The following CPNE8 variants were observed in gnomAD, a reference collection of about 807,000 sequenced individuals.
CPNE8 encodes the protein copine-8.
Under a neutral mutation model 81.5 loss-of-function variants are expected in CPNE8, and 45 were observed. The ratio of observed to expected loss-of-function variants is 0.55; its 90% CI spans 0.44 to 0.71. The LOEUF is 0.71. Ranked by LOEUF, CPNE8 falls within the 30% of genes least tolerant of loss-of-function variation. The pLI is 0.00. For synonymous variants in CPNE8, 252 were observed against 226.3 expected (o/e 1.11, Z -1.02); for missense variants, 594 against 672.1 (o/e 0.88, Z 1.28).
chr12:38,744,682 A>C lies in CPNE8; in HGVS notation c.723-14324T>G, dbSNP rs531248495. On this transcript the variant is annotated intron_variant, in intron 10 of 19. Coordinates refer to ENST00000331366, the MANE Select transcript of CPNE8 (RefSeq NM_153634.3). ...CACATTCTGAAGCTGTCATCTAGGC[A>C]AACTTCGGCAAGAAGCTGAACTTCT... is the stretch of plus-strand genomic sequence containing the variant. Among the ~76,000 whole-genome samples, 180 of 152,276 alleles carry C rather than the reference A, an allele frequency of 1.2e-3. 1 individual carries two copies. The highest frequency in any genetic ancestry group is 4.2e-3 in the African/African-American group (174 of 41,540).
chr12:38,753,516 T>C (rs1449254846), intron 10 of CPNE8, among the ~76,000 whole-genome samples: 2 of 152,194 alleles, frequency 1.3e-5, no homozygotes, highest in African/African-American at 4.8e-5. Flanking sequence ...AAGTCCTCTC[T>C]TCTGTATTAC....
At chr12:38,857,297 T>C (rs1428205648) in intron 3 of CPNE8, among the ~76,000 whole-genome samples, 2 of 152,208 alleles carry the variant, frequency 1.3e-5, no homozygotes, top group East Asian at 1.9e-4. Flanking sequence ...TTTTGTAATA[T>C]AATTGGCAGT....
intron 3 of CPNE8, 115 bp downstream of exon 3, chr12:38,872,889 C>T (rs1343229352): frequency 1.5e-6 from 1 of 663,414 alleles, no homozygotes; most frequent in Non-Finnish European, 2.6e-6. Context: ...AAAAACAATT[C>T]AATCTTTGGG....
intron 10 of CPNE8, among the ~76,000 whole-genome samples, chr12:38,745,602 G>A (rs1173889812): frequency 6.6e-6 from 1 of 152,148 alleles, no homozygotes; most frequent in Non-Finnish European, 1.5e-5. Context: ...GAGTGCAGTG[G>A]TGTGATCACA....
At chr12:38,826,678 A>G (rs1943199321) in intron 6 of CPNE8, among the ~76,000 whole-genome samples, 1 of 152,146 alleles carries the variant, frequency 6.6e-6, no homozygotes, top group African/African-American at 2.4e-5. Flanking sequence ...GCTATGTTCT[A>G]TTCACCACAT....
At chr12:38,688,575 C>CA (rs1330143471) in intron 15 of CPNE8, among the ~76,000 whole-genome samples, 2 of 148,908 alleles carry the variant, frequency 1.3e-5, no homozygotes, top group Non-Finnish European at 3.0e-5. Flanking sequence ...GCCCATCAAC[C>CA]AATAAGTGGA....
rs1043951537 is a variant in CPNE8, at chr12:38,823,664, C to T, written c.407+5715G>A. Among the ~76,000 whole-genome samples the T allele has an allele frequency of 7.9e-5, 12 of 152,152 alleles. 1 individual carries two copies. Among genetic ancestry groups the T allele is most frequent in the Non-Finnish European group, 1.6e-4 (11 of 68,018 alleles). Reference sequence around the variant, plus strand: ...TCCCTGATCCTTTTATATGGAACCACTCATGCCTGGCTGAGAGTAACAGGA... The same window carrying T: ...TCCCTGATCCTTTTATATGGAACCATTCATGCCTGGCTGAGAGTAACAGGA... On this transcript the variant is annotated intron_variant, in intron 6 of 19. Transcript: ENST00000331366.
chr12:38,704,710 AAG>A (rs1940045695), intron 13 of CPNE8, among the ~76,000 whole-genome samples: 2 of 151,632 alleles, frequency 1.3e-5, no homozygotes, highest in Admixed American at 6.6e-5. Flanking sequence ...CCAGCATCAG[AAG>A]AGAGTATCAT....
intron 1 of CPNE8, among the ~76,000 whole-genome samples, chr12:38,903,155 T>A (rs1944513738): frequency 6.6e-6 from 1 of 152,188 alleles, no homozygotes; most frequent in African/African-American, 2.4e-5. Flanking sequence ...CCAAACCTAT[T>A]CCAAAGGCAC....
chr12:38,812,431 T>A (rs980725712), intron 6 of CPNE8, among the ~76,000 whole-genome samples: 1 of 152,032 alleles, frequency 6.6e-6, no homozygotes, highest in Non-Finnish European at 1.5e-5. Flanking sequence ...AGCAAACACA[T>A]CCTTCTTCAC....
intron 6 of CPNE8, among the ~76,000 whole-genome samples, chr12:38,788,584 A>G (rs1448778255): frequency 6.6e-6 from 1 of 151,928 alleles, no homozygotes; most frequent in Non-Finnish European, 1.5e-5. Flanking sequence ...GTTATTCAAC[A>G]TAGTACTGGA....
rs115010136 is a variant in CPNE8, at chr12:38,750,083, A to T, written c.722+10764T>A. On this transcript the variant is annotated intron_variant, in intron 10 of 19. Coordinates refer to ENST00000331366, the MANE Select transcript of CPNE8 (RefSeq NM_153634.3). The stretch of plus-strand genomic sequence containing the variant: ...AAACTTGGTGCTCTGCATCCCAGCC[A>T]CTTCAGCTTGGACTAAAAGAGGCCA... 5.3e-3 allele frequency among the ~76,000 whole-genome samples: 811 copies of T among 152,162 alleles called. 5 individuals carry two copies. The highest frequency in any genetic ancestry group is 0.019 in the African/African-American group (769 of 41,522).
intron 6 of CPNE8, among the ~76,000 whole-genome samples, chr12:38,808,234 C>T (rs71463383): frequency 6.6e-6 from 1 of 152,010 alleles, no homozygotes; most frequent in Non-Finnish European, 1.5e-5. Context: ...ATCATTTGAC[C>T]CAGCCATCCT....
At chr12:38,764,152 A>G (rs1023747995) in intron 8 of CPNE8, among the ~76,000 whole-genome samples, 21 of 152,136 alleles carry the variant, frequency 1.4e-4, no homozygotes, top group African/African-American at 5.1e-4. Flanking sequence ...TTAGGAGTCA[A>G]TGGGGGAAAA....
intron 1 of CPNE8, among the ~76,000 whole-genome samples, chr12:38,902,331 A>G (rs1360925110): frequency 0.015 from 1,084 of 71,686 alleles, 36 homozygotes; most frequent in African/African-American, 0.067. Flanking sequence ...AAAGAAAGAA[A>G]GAAAGAAAGA....
intron 7 of CPNE8, among the ~76,000 whole-genome samples, chr12:38,775,664 CA>C (rs1941916701): frequency 6.6e-6 from 1 of 152,130 alleles, no homozygotes; most frequent in African/African-American, 2.4e-5. Context: ...GGTGCATCAG[CA>C]AATCACAACT....
intron 1 of CPNE8, among the ~76,000 whole-genome samples, chr12:38,890,950 A>C (rs1241894850): frequency 1.3e-5 from 2 of 151,062 alleles, no homozygotes; most frequent in Non-Finnish European, 2.9e-5. Context: ...AGAGAGAGAA[A>C]GAGTCTCACT....
chr12:38,840,379 T>C (rs984019561), intron 4 of CPNE8, among the ~76,000 whole-genome samples: 2 of 152,156 alleles, frequency 1.3e-5, no homozygotes, highest in South Asian at 2.1e-4. Flanking sequence ...CTTGAGGTGA[T>C]AGAAATGTTC....
chr12:38,807,598 A>T (rs1432255400), intron 6 of CPNE8, among the ~76,000 whole-genome samples: 2 of 151,456 alleles, frequency 1.3e-5, no homozygotes, highest in Non-Finnish European at 2.9e-5. Flanking sequence ...TACAAAAATT[A>T]ATTCAAGATG....
Sources: allele counts gnomAD v4.1 joint callset (sites outside exome capture counted in the v4.1 genomes callset), GRCh38; gene constraint gnomAD v4.1.1; transcripts MANE v1.5; gene names NCBI Gene and HGNC (gene_info 2026-07-23, HGNC 2026-07-21).